The following TCF7L1 variants were observed in gnomAD, a reference collection of about 807,000 sequenced individuals.
TCF7L1 encodes the protein transcription factor 7-like 1.
A neutral mutation model predicts 63.7 loss-of-function variants in TCF7L1; 18 were observed. The ratio of observed to expected loss-of-function variants is 0.28; its 90% confidence interval spans 0.20 to 0.42. The LOEUF (loss-of-function observed/expected upper bound fraction) is 0.42, where lower values mean the gene tolerates loss of function less well. TCF7L1 is among the 10% of genes least tolerant of loss of function. The probability of loss-of-function intolerance (pLI) is 1.00; values close to 1 mark genes in which losing one functional copy is unlikely to be tolerated. For missense variants in TCF7L1, 654 were observed against 779.3 expected, an observed-to-expected ratio of 0.84 and a Z score of 1.91; for synonymous variants, 355 against 340.9, an observed-to-expected ratio of 1.04 and a Z score of -0.46.
At chr2:85,240,479 A>G (rs1411747650) in intron 3 of TCF7L1, among the ~76,000 whole-genome samples, 1 of 152,176 alleles carries the variant, frequency 6.6e-6, no homozygotes, top group Non-Finnish European at 1.5e-5. Context: ...CACACAGATG[A>G]TAAAACCATT....
At position 85,309,360 on chromosome 2, in the gene TCF7L1, G is replaced by A. The variant is rs773586219; in HGVS notation, c.1665G>A (p.Leu555=). The change falls in exon 12 of 12, where the codon CTG becomes CTA. Residue 555 remains leucine, a synonymous_variant. Coordinates refer to ENST00000282111, the MANE Select transcript of TCF7L1 (RefSeq NM_031283.3). ...PLPLGSMPTA[L]LASPPSFPAT... is the part of the protein sequence containing the mutation. Reference sequence around the variant, plus strand: ...CCCTTGGGTCCATGCCCACAGCTCTGCTGGCCTCTCCCCCGTCCTTCCCCG... The same window carrying A: ...CCCTTGGGTCCATGCCCACAGCTCTACTGGCCTCTCCCCCGTCCTTCCCCG... 6.2e-7 allele frequency: 1 copy of A among 1,609,520 alleles called. No homozygotes were observed. The highest frequency in any genetic ancestry group is 2.2e-5 in the East Asian group (1 of 44,834).
At chr2:85,202,099 A>T (rs189677196) in intron 3 of TCF7L1, among the ~76,000 whole-genome samples, 1 of 152,142 alleles carries the variant, frequency 6.6e-6, no homozygotes, top group South Asian at 2.1e-4. Context: ...AGTAGCTGGG[A>T]CTACAGGCAC....
intron 3 of TCF7L1, among the ~76,000 whole-genome samples, chr2:85,138,918 A>G (rs908913472): frequency 1.3e-5 from 2 of 152,244 alleles, no homozygotes; most frequent in South Asian, 2.1e-4. Context: ...TAAATCTTCT[A>G]TAATAGGAAG....
chr2:85,283,458 C>T, intron 3 of TCF7L1, 37 bp from the exon 4 acceptor site: 1 of 1,612,750 alleles, frequency 6.2e-7, no homozygotes, highest in Non-Finnish European at 8.5e-7. Context: ...GAGGCCTCAT[C>T]TCACCAACAG....
intron 3 of TCF7L1, among the ~76,000 whole-genome samples, chr2:85,203,616 C>T (rs997764917): frequency 6.6e-5 from 10 of 152,054 alleles, no homozygotes; most frequent in African/African-American, 2.4e-4. Context: ...GTAGTCACAG[C>T]TACTCAGGAG....
intron 3 of TCF7L1, among the ~76,000 whole-genome samples, chr2:85,212,089 C>CAAAAAAAAAAA (rs61280306): frequency 4.3e-5 from 3 of 69,808 alleles, no homozygotes; most frequent in Admixed American, 2.0e-4. Context: ...GACTCCATCT[C>CAAAAAAAAAAA]AAAAAAAAAA....
chr2:85,148,982 T>C (rs2104201495), intron 3 of TCF7L1, among the ~76,000 whole-genome samples: 1 of 152,154 alleles, frequency 6.6e-6, no homozygotes, highest in Admixed American at 6.5e-5. Flanking sequence ...TTTCACCATG[T>C]TGGCCAGGCT....
chr2:85,263,766 T>A (rs1257161958), intron 3 of TCF7L1, among the ~76,000 whole-genome samples: 1 of 152,178 alleles, frequency 6.6e-6, no homozygotes, highest in African/African-American at 2.4e-5. Flanking sequence ...ATGAGCGTGA[T>A]CACCGCGTGG....
At chr2:85,174,654 T>C (rs1169234759) in intron 3 of TCF7L1, among the ~76,000 whole-genome samples, 1 of 152,176 alleles carries the variant, frequency 6.6e-6, no homozygotes, top group Non-Finnish European at 1.5e-5. Context: ...GTGAGTCAAG[T>C]CTGAACTCAC....
chr2:85,281,319 C>T (rs1681413528), intron 3 of TCF7L1, among the ~76,000 whole-genome samples: 1 of 152,150 alleles, frequency 6.6e-6, no homozygotes, highest in African/African-American at 2.4e-5. Flanking sequence ...CCACTGCGCC[C>T]GGCCTAGCTC....
intron 3 of TCF7L1, among the ~76,000 whole-genome samples, chr2:85,189,100 T>C (rs1678992864): frequency 1.3e-5 from 2 of 152,120 alleles, no homozygotes; most frequent in Non-Finnish European, 2.9e-5. Context: ...ACTTCTCTGC[T>C]CCTCCAACTG....
intron 3 of TCF7L1, among the ~76,000 whole-genome samples, chr2:85,218,313 G>A (rs1245072663): frequency 6.6e-6 from 1 of 151,912 alleles, no homozygotes; most frequent in African/African-American, 2.4e-5. Context: ...CTGGAGTGCA[G>A]TGGCACGATC....
chr2:85,298,169 G>T (rs1301206143), intron 4 of TCF7L1, among the ~76,000 whole-genome samples: 2 of 94,394 alleles, frequency 2.1e-5, no homozygotes, highest in African/African-American at 4.7e-5. Context: ...TCCAGCCTGG[G>T]TGACAGAGTG....
chr2:85,305,745 G>C lies in TCF7L1; in HGVS notation c.989+342G>C, dbSNP rs111465297. 6.9e-3 allele frequency among the ~76,000 whole-genome samples: 1,044 copies of C among 152,288 alleles called. 17 individuals are homozygous for C. The highest frequency in any genetic ancestry group is 0.024 in the African/African-American group (995 of 41,556). The stretch of plus-strand genomic sequence containing the variant: ...GGAGACAGTGTTTTCTTAAGGACTT[G>C]TGGTGGGCTGGTGGCCGAGCTGAGA... On this transcript the variant is annotated intron_variant, in intron 8 of 11. Transcript: ENST00000282111.
intron 3 of TCF7L1, chr2:85,186,641 G>A (rs564215260): frequency 1.3e-5 from 2 of 152,166 alleles, no homozygotes; most frequent in Non-Finnish European, 2.9e-5. Flanking sequence ...TTGATTCGTT[G>A]GGAGTTGGTG....
In TCF7L1 at chr2:85,200,127, CA is replaced by C. The variant is rs113188488; in HGVS notation, c.441+65678del. Among the ~76,000 whole-genome samples the C allele has an allele frequency of 4.7e-3, 723 of 152,234 alleles. 4 individuals are homozygous for C. The highest frequency in any genetic ancestry group is 0.016 in the African/African-American group (666 of 41,530). On this transcript the variant is annotated intron_variant, in intron 3 of 11. Coordinates refer to ENST00000282111, the MANE Select transcript of TCF7L1 (RefSeq NM_031283.3). ...ATAATATCCCATCGTGTGGATATCC[CA>C]CATTTTGTTTGTCGATTCATCCATT...
In TCF7L1 at chr2:85,307,597, ATTC is replaced by A. The variant is rs765866584; in HGVS notation, c.1258-40_1258-38del. 2.0e-5 allele frequency: 32 copies of A among 1,562,810 alleles called. No homozygotes were observed. In the East Asian group the frequency reaches 5.6e-4, roughly 27 times the overall value. On this transcript the variant is annotated intron_variant, in intron 10 of 11. Transcript: ENST00000282111. The stretch of plus-strand genomic sequence containing the variant: ...ATCTGGGAGCCCCTGAGAAGCCAGC[ATTC>A]TTCTCTCCCAGCTTACCTCTTCCTT...
intron 3 of TCF7L1, among the ~76,000 whole-genome samples, chr2:85,185,843 G>A (rs1293277652): frequency 6.6e-6 from 1 of 152,082 alleles, no homozygotes; most frequent in Non-Finnish European, 1.5e-5. Context: ...CCATGTTGGT[G>A]GAGGCCTCCT....
chr2:85,276,202 T>G (rs958718937), intron 3 of TCF7L1, among the ~76,000 whole-genome samples: 1 of 152,242 alleles, frequency 6.6e-6, no homozygotes, highest in Non-Finnish European at 1.5e-5. Flanking sequence ...CTTTTCTGTC[T>G]CCCTATTCCT....
Sources: gnomAD v4.1 joint callset for allele counts (sites outside exome capture counted in the v4.1 genomes callset) on GRCh38, gnomAD v4.1.1 for gene constraint, MANE v1.5 for transcripts, NCBI Gene and HGNC (gene_info 2026-07-23, HGNC 2026-07-21) for gene names.